The following MBD5 variants were observed in gnomAD, a reference collection of about 807,000 sequenced individuals.
MBD5 encodes methyl-CpG-binding domain protein 5.
MBD5 carries 13 observed loss-of-function variants against 117.3 expected under a neutral mutation model. That is an observed-to-expected ratio of 0.11 (90% CI 0.07 to 0.18). The LOEUF is 0.18. Ranked by LOEUF, MBD5 falls within the 10% of genes least tolerant of loss-of-function variation. MBD5 has a pLI of 1.00. For synonymous variants in MBD5, 727 were observed against 766.4 expected (o/e 0.95, Z 0.85); for missense variants, 1,879 against 2,093.8 (o/e 0.90, Z 2.00).
chr2:148,126,712 T>A (rs1696905111), intron 1 of MBD5, among the ~76,000 whole-genome samples: 2 of 152,072 alleles, frequency 1.3e-5, no homozygotes, highest in East Asian at 1.9e-4. Context: ...TAATGCCATC[T>A]TTTCCCCCCT....
intron 3 of MBD5, among the ~76,000 whole-genome samples, chr2:148,293,715 C>T (rs1701558629): frequency 6.6e-6 from 1 of 152,106 alleles, no homozygotes; most frequent in Non-Finnish European, 1.5e-5. Flanking sequence ...GGGGGGAAAA[C>T]ATGCATTCAT....
At chr2:148,090,834 C>G (rs555230478) in intron 1 of MBD5, among the ~76,000 whole-genome samples, 69 of 151,870 alleles carry the variant, frequency 4.5e-4, no homozygotes, top group Non-Finnish European at 8.7e-4. Context: ...GTGAATCAGA[C>G]CCATAACAAT....
chr2:148,475,541 A>T (rs1302520073), intron 8 of MBD5, among the ~76,000 whole-genome samples: 1 of 152,096 alleles, frequency 6.6e-6, no homozygotes, highest in Non-Finnish European at 1.5e-5. Flanking sequence ...CAGAGTGGTG[A>T]TATGTTTGCT....
chr2:148,461,142 A>G (rs774537432), intron 5 of MBD5, among the ~76,000 whole-genome samples: 1 of 152,172 alleles, frequency 6.6e-6, no homozygotes, highest in Non-Finnish European at 1.5e-5. Flanking sequence ...CATGTTGGCC[A>G]GGCTGGTCTC....
chr2:148,262,821 T>C (rs913896194), intron 3 of MBD5, among the ~76,000 whole-genome samples: 6 of 152,216 alleles, frequency 3.9e-5, no homozygotes, highest in Admixed American at 2.6e-4. Context: ...CAGAATGCCA[T>C]TGGCATTTTA....
intron 4 of MBD5, among the ~76,000 whole-genome samples, chr2:148,457,607 A>G (rs1011357380): frequency 2.0e-5 from 3 of 152,146 alleles, no homozygotes; most frequent in Admixed American, 1.3e-4. Context: ...ACCCCATAAT[A>G]TAAGGAATTT....
intron 1 of MBD5, among the ~76,000 whole-genome samples, chr2:148,063,251 G>T (rs1234655609): frequency 6.6e-6 from 1 of 152,084 alleles, no homozygotes; most frequent in Non-Finnish European, 1.5e-5. Context: ...TGTCTTTCCT[G>T]TGATTTCAGG....
At chr2:148,061,061 G>T (rs929864432) in intron 1 of MBD5, among the ~76,000 whole-genome samples, 3 of 151,918 alleles carry the variant, frequency 2.0e-5, no homozygotes, top group African/African-American at 7.3e-5. Flanking sequence ...AGTTTTTGCG[G>T]TTTAATTTTG....
At chr2:148,453,865 A>C (rs1029820148) in intron 4 of MBD5, among the ~76,000 whole-genome samples, 24 of 152,074 alleles carry the variant, frequency 1.6e-4, no homozygotes, top group Non-Finnish European at 2.9e-5. Flanking sequence ...TCAAAAGTTT[A>C]AGAAACATGG....
At chr2:148,286,192 A>G (rs555453435) in intron 3 of MBD5, among the ~76,000 whole-genome samples, 2 of 152,318 alleles carry the variant, frequency 1.3e-5, no homozygotes, top group Admixed American at 6.5e-5. Context: ...ATACATGAAC[A>G]TATTTTCTTA....
chr2:148,174,823 T>C (rs1173103447), intron 1 of MBD5, among the ~76,000 whole-genome samples: 1 of 151,162 alleles, frequency 6.6e-6, no homozygotes, highest in Non-Finnish European at 1.5e-5. Context: ...TTGATGACGA[T>C]GTAAAGAAAA....
chr2:148,385,375 G>A (rs899802328), intron 4 of MBD5, among the ~76,000 whole-genome samples: 1 of 152,138 alleles, frequency 6.6e-6, no homozygotes, highest in African/African-American at 2.4e-5. Context: ...ATCATCACTG[G>A]CCATCAGAGA....
chr2:148,413,329 G>A (rs948537624), intron 4 of MBD5, among the ~76,000 whole-genome samples: 4 of 151,992 alleles, frequency 2.6e-5, no homozygotes, highest in Non-Finnish European at 5.9e-5. Flanking sequence ...TATCATGGTG[G>A]ATTAGCTTTT....
At chr2:148,494,980 TA>T (rs1203632224) in intron 11 of MBD5, among the ~76,000 whole-genome samples, 1 of 151,876 alleles carries the variant, frequency 6.6e-6, no homozygotes, top group Non-Finnish European at 1.5e-5. Context: ...AAAAATAAAA[TA>T]AATAAAAAAA....
intron 3 of MBD5, among the ~76,000 whole-genome samples, chr2:148,277,399 A>T (rs1701141555): frequency 6.6e-6 from 1 of 152,160 alleles, no homozygotes; most frequent in South Asian, 2.1e-4. Context: ...TAGCTAATAT[A>T]TATTATGCAT....
intron 2 of MBD5, among the ~76,000 whole-genome samples, chr2:148,216,076 G>T (rs1310736404): frequency 6.6e-6 from 1 of 152,126 alleles, no homozygotes; most frequent in African/African-American, 2.4e-5. Context: ...TACAAAAAGG[G>T]TATTTTCTGG....
intron 1 of MBD5, among the ~76,000 whole-genome samples, chr2:148,126,657 G>T (rs894812900): frequency 2.6e-5 from 4 of 151,936 alleles, no homozygotes; most frequent in African/African-American, 9.7e-5. Context: ...AGTATTAAGA[G>T]GAAGCCCCTA....
intron 4 of MBD5, among the ~76,000 whole-genome samples, chr2:148,355,141 T>G (rs1197268776): frequency 1.3e-5 from 2 of 152,100 alleles, no homozygotes; most frequent in Admixed American, 1.3e-4. Flanking sequence ...TCTTGTAAAT[T>G]TTTTTAAGTT....
intron 3 of MBD5, among the ~76,000 whole-genome samples, chr2:148,333,109 A>C (rs1702701201): frequency 6.6e-6 from 1 of 151,886 alleles, no homozygotes. Context: ...TCTTTCATGG[A>C]TGTAGTTCTT....
Sources: allele counts gnomAD v4.1 joint callset (sites outside exome capture counted in the v4.1 genomes callset), GRCh38; gene constraint gnomAD v4.1.1; transcripts MANE v1.5; gene names NCBI Gene and HGNC (gene_info 2026-07-23, HGNC 2026-07-21).